ATN1: variants seen among roughly 807,000 people sequenced by gnomAD.
ATN1 encodes atrophin 1.
In ATN1, 19 loss-of-function variants were observed where a neutral mutation model predicts 85.8. That is an observed-to-expected ratio of 0.22 (90% CI 0.15 to 0.32). The LOEUF (loss-of-function observed/expected upper bound fraction) is 0.32. ATN1 is among the 10% of genes least tolerant of loss of function. The pLI is 1.00. For missense variants in ATN1, 1,453 were observed against 1,564.5 expected, an observed-to-expected ratio of 0.93 and a Z score of 1.20; for synonymous variants, 674 against 657.0, an observed-to-expected ratio of 1.03 and a Z score of -0.39.
Position 6,941,809 on chromosome 12 carries a change from C to T in ATN1, c.*29C>T. 1 of 1,613,060 alleles carries T rather than the reference C, an allele frequency of 6.2e-7. No homozygotes were observed. Among genetic ancestry groups the T allele is most frequent in the Non-Finnish European group, 8.5e-7 (1 of 1,179,058 alleles). On this transcript the variant is annotated 3_prime_UTR_variant, in exon 10 of 10. Coordinates refer to ENST00000396684, the MANE Select transcript of ATN1 (RefSeq NM_001940.4). This position sits in a 1 kb window ranked among gnomAD's most constrained non-coding sequence, Gnocchi z 5.9. ...CTGCGATCAAGAGAGCACCATGGCTCCTACATTGGACCTTGGAGCACCCCC... is the reference window on the plus strand; with the variant it reads ...CTGCGATCAAGAGAGCACCATGGCTTCTACATTGGACCTTGGAGCACCCCC...
At position 6,936,736 on chromosome 12, in the gene ATN1, AGCAGCAGCAGCAGCAGCAG is replaced by A. The variant is rs782555592; in HGVS notation, c.1470_1488del (p.Gln490HisfsTer44). ...CACCACCAGCAACAGCAACAGCAGC[AGCAGCAGCAGCAGCAGCAG>A]CAGCAGCAGCAGCAGCAGCATCACG... On this transcript the variant is annotated frameshift_variant, in exon 5 of 10. Transcript: ENST00000396684. LOFTEE classifies it high-confidence loss of function. The A allele has an allele frequency of 3.3e-4, 274 of 840,034 alleles. 1 individual carries two copies. In the Middle Eastern group the frequency reaches 5.0e-3, roughly 15 times the overall value. 52.0% of individuals were successfully genotyped at this position (840,034 alleles called of 1,614,324 possible). A position where few individuals can be genotyped will look rare whatever the true frequency, so the allele number is the denominator to read the frequency against.
chr12:6,926,426 C>A (rs1423114629), upstream of ATN1, among the ~76,000 whole-genome samples: 8 of 152,100 alleles, frequency 5.3e-5, no homozygotes, highest in African/African-American at 1.2e-4. Context: ...AACCTCCCCC[C>A]GCTCCCACAT....
At position 6,937,162 on chromosome 12, in the gene ATN1, C is replaced by T. The variant is rs942966440; in HGVS notation, c.1895C>T (p.Ser632Phe). 5.0e-6 allele frequency: 8 copies of T among 1,611,282 alleles called. No homozygotes were observed. The highest frequency in any genetic ancestry group is 6.8e-6 in the Non-Finnish European group (8 of 1,179,832). ...TCGCCAGCAGGCTACAAAACGGCCT[C>T]CCCACCTGGGCCCCCACCGTACGGA... is the stretch of plus-strand genomic sequence containing the variant. ...ASSPAGYKTA[S>F]PPGPPPYGKR... is the part of the protein sequence containing the mutation. Residue 632 changes from serine (S) to phenylalanine (F), a missense_variant, in exon 5 of 10, where the codon TCC becomes TTC. Ser to Phe is a radical substitution (Grantham distance 155, BLOSUM62 -2). Coordinates refer to ENST00000396684, the MANE Select transcript of ATN1 (RefSeq NM_001940.4). This position sits in a 1 kb window ranked among gnomAD's most constrained non-coding sequence, Gnocchi z 6.0.
chr12:6,926,186 G>A, upstream of ATN1, among the ~76,000 whole-genome samples: 1 of 152,156 alleles, frequency 6.6e-6, no homozygotes, highest in South Asian at 2.1e-4. Context: ...GGTGGGGACT[G>A]TCTCCACCTT....
chr12:6,924,873 C>T (rs1945381332), upstream of ATN1, among the ~76,000 whole-genome samples: 2 of 152,144 alleles, frequency 1.3e-5, no homozygotes, highest in African/African-American at 4.8e-5. Flanking sequence ...CTAGTTTGAG[C>T]CTAGTTCCTA....
chr12:6,934,593 T>A lies in ATN1; in HGVS notation c.279+15T>A. On this transcript the variant is annotated intron_variant, in intron 4 of 9. Coordinates refer to ENST00000396684, the MANE Select transcript of ATN1 (RefSeq NM_001940.4). This position sits in a 1 kb window ranked among gnomAD's most constrained non-coding sequence, Gnocchi z 4.5. ...CCAAAACTGAGGTGGGAAACCCTTGTCGCCATCCTGACCCATCTTGTGACC... is the reference window on the plus strand; with the variant it reads ...CCAAAACTGAGGTGGGAAACCCTTGACGCCATCCTGACCCATCTTGTGACC... 1.3e-6 allele frequency: 2 copies of A among 1,529,082 alleles called. No homozygotes were observed. The highest frequency in any genetic ancestry group is 2.4e-5 in the South Asian group (2 of 83,670). 94.7% of individuals were successfully genotyped at this position (1,529,082 alleles called of 1,614,324 possible).
At chr12:6,938,371 A>T in intron 6 of ATN1, 110 bp from the exon 7 acceptor site, 1 of 1,418,720 alleles carries the variant, frequency 7.0e-7, no homozygotes. Flanking sequence ...CAGAGTTTCA[A>T]TGAGTTGAGG....
chr12:6,927,781 G>C (rs1240631389), upstream of ATN1, among the ~76,000 whole-genome samples: 5 of 150,460 alleles, frequency 3.3e-5, no homozygotes, highest in Non-Finnish European at 7.4e-5. Context: ...CCTCTCCCAG[G>C]CTCCCTCCCT....
At chr12:6,931,628 C>T (rs1555143069) in intron 1 of ATN1, among the ~76,000 whole-genome samples, 2 of 150,060 alleles carry the variant, frequency 1.3e-5, no homozygotes, top group Admixed American at 6.7e-5. Context: ...GCAGGAGAAT[C>T]GCTTGAACCT....
In ATN1 at chr12:6,936,527, C is replaced by T; in HGVS notation, c.1260C>T (p.Val420=). ...HSFPPPTSLS[V]SNQPPKYTQP... ...TCCCTCCCCCAACAAGCCTCTCTGT[C>T]TCCAATCAGCCCCCCAAGTATACTC... Residue 420 remains valine (V), a synonymous_variant, in exon 5 of 10, where the codon GTC becomes GTT. Transcript: ENST00000396684. 1 of 1,605,374 alleles carries T rather than the reference C, an allele frequency of 6.2e-7. No individual in the cohort carries two copies. The highest frequency in any genetic ancestry group is 8.5e-7 in the Non-Finnish European group (1 of 1,177,862).
At chr12:6,929,244 CA>C (rs1275096387) in intron 1 of ATN1, among the ~76,000 whole-genome samples, 2 of 152,096 alleles carry the variant, frequency 1.3e-5, no homozygotes, top group African/African-American at 4.8e-5. Flanking sequence ...GCACTCCAGG[CA>C]AGTTGCGACC....
chr12:6,936,814 C>T lies in ATN1; in HGVS notation c.1547C>T (p.Pro516Leu). Residue 516 changes from proline (P) to leucine (L), a missense_variant, in exon 5 of 10, where the codon CCC (proline) becomes CTC (leucine). Physicochemically the swap from Pro to Leu is moderately conservative, Grantham distance 98. Coordinates refer to ENST00000396684, the MANE Select transcript of ATN1 (RefSeq NM_001940.4). ...NSGPPPPGAFPHPLEGGSSHH... is the reference protein window; with the variant it reads ...NSGPPPPGAFLHPLEGGSSHH... ...GGGCCCCCTCCTCCTGGAGCATTTC[C>T]CCACCCACTGGAGGGCGGTAGCTCC... is the stretch of plus-strand genomic sequence containing the variant. 1 of 1,613,622 alleles carries T rather than the reference C, an allele frequency of 6.2e-7. No homozygotes were observed. Among genetic ancestry groups the T allele is most frequent in the Non-Finnish European group, 8.5e-7 (1 of 1,179,856 alleles).
chr12:6,939,146 G>C lies in ATN1; in HGVS notation c.3183G>C (p.Leu1061=). ...HHQHSHIHSH[L]HLHQQDAIHA... ...AGCACTCCCACATCCACTCGCACCT[G>C]CACCTGCACCAGCAAGATGCTATCC... Residue 1061 remains leucine (L), a synonymous_variant, in exon 7 of 10, where the codon CTG becomes CTC. Transcript: ENST00000396684. 1 of 1,599,492 alleles carries C rather than the reference G, an allele frequency of 6.3e-7. No individual in the cohort carries two copies. Among genetic ancestry groups the C allele is most frequent in the South Asian group, 1.1e-5 (1 of 91,026 alleles).
In ATN1 at chr12:6,937,981, G is replaced by C; in HGVS notation, c.2431G>C (p.Ala811Pro). Residue 811 changes from alanine (A) to proline (P), a missense_variant, in exon 6 of 10, where the codon GCG (alanine) becomes CCG (proline). By Grantham distance (27) the Ala-to-Pro change is conservative (BLOSUM62 -1). Transcript: ENST00000396684. This position sits in a 1 kb window ranked among gnomAD's most constrained non-coding sequence, Gnocchi z 6.0. ...GGTGCGGCGCGAGGCCGAGCAGCGC[G>C]CGCGCGAAGAAAAGGAGCGCGAGCG... Reference protein sequence around the residue: ...EKVRREAEQRAREEKERERER... With the variant: ...EKVRREAEQRPREEKERERER... 1 of 1,550,694 alleles carries C rather than the reference G, an allele frequency of 6.4e-7. No individual in the cohort carries two copies. The highest frequency in any genetic ancestry group is 8.7e-7 in the Non-Finnish European group (1 of 1,147,152).
upstream of ATN1, among the ~76,000 whole-genome samples, chr12:6,925,009 C>G (rs1555142439): frequency 6.6e-6 from 1 of 152,164 alleles, no homozygotes. Flanking sequence ...CCAGGCCCTT[C>G]TCTCCACTTT....
upstream of ATN1, among the ~76,000 whole-genome samples, chr12:6,926,255 G>C (rs1378822478): frequency 6.6e-6 from 1 of 152,174 alleles, no homozygotes; most frequent in Non-Finnish European, 1.5e-5. Flanking sequence ...ATTAAGCCCA[G>C]TCTTCACCCG....
intron 7 of ATN1, among the ~76,000 whole-genome samples, 196 bp downstream of exon 7, chr12:6,939,373 T>A (rs1555144386): frequency 6.6e-6 from 1 of 152,236 alleles, no homozygotes. Context: ...CCACAAAGCC[T>A]GTATGCCCCA....
At position 6,938,863 on chromosome 12, in the gene ATN1, G is replaced by C. The variant is rs781859526; in HGVS notation, c.2900G>C (p.Gly967Ala). 4 of 1,614,134 alleles carry C rather than the reference G, an allele frequency of 2.5e-6. No homozygotes were observed. The East Asian group carries it at 8.9e-5, about 36-fold the overall frequency. The change falls in exon 7 of 10, where the codon GGC (glycine) becomes GCC (alanine). Residue 967 changes from glycine to alanine, a missense_variant. Physicochemically the swap from Gly to Ala is moderately conservative, Grantham distance 60. Coordinates refer to ENST00000396684, the MANE Select transcript of ATN1 (RefSeq NM_001940.4). ...LEPLHGVPGP[G>A]LDPFPRHGGL... is the part of the protein sequence containing the mutation. The stretch of plus-strand genomic sequence containing the variant: ...CCCCTACATGGGGTCCCTGGGCCGG[G>C]CTTGGATCCCTTTCCCCGACATGGG...
chr12:6,938,105 C>G, intron 6 of ATN1, 38 bp downstream of exon 6: 3 of 1,517,306 alleles, frequency 2.0e-6, no homozygotes, highest in Non-Finnish European at 2.6e-6. Flanking sequence ...CCTTCTTTCC[C>G]TCTTTCCTTC....
Sources: allele counts gnomAD v4.1 joint callset (sites outside exome capture counted in the v4.1 genomes callset), GRCh38; gene constraint gnomAD v4.1.1; non-coding constraint Gnocchi (gnomAD v3.1); transcripts MANE v1.5; gene names NCBI Gene and HGNC (gene_info 2026-07-23, HGNC 2026-07-21).